Variants in GAP43 observed in about 807,000 individuals in gnomAD.
GAP43 encodes neuromodulin.
GAP43 carries 6 observed loss-of-function variants against 18.6 expected under a neutral mutation model. The ratio of observed to expected loss-of-function variants is 0.32; its 90% CI spans 0.18 to 0.64. GAP43 has a LOEUF of 0.64. Ranked by LOEUF, GAP43 falls within the 30% of genes least tolerant of loss-of-function variation. The pLI is 0.78. For synonymous variants in GAP43, 115 were observed against 111.4 expected, an observed-to-expected ratio of 1.03 and a Z score of -0.20; for missense variants, 292 against 295.5, an observed-to-expected ratio of 0.99 and a Z score of 0.09.
chr3:115,686,736 A>C (rs1197281367), intron 2 of GAP43, among the ~76,000 whole-genome samples: 1 of 152,188 alleles, frequency 6.6e-6, no homozygotes, highest in African/African-American at 2.4e-5. Flanking sequence ...AAAGAAGGAA[A>C]ATTTAAAAAT....
At chr3:115,658,629 C>A (rs542416826) in intron 1 of GAP43, 2 of 152,124 alleles carry the variant, frequency 1.3e-5, no homozygotes, top group African/African-American at 4.8e-5. Context: ...GCACGGAGAG[C>A]CCCCCAGAGG....
intron 1 of GAP43, among the ~76,000 whole-genome samples, chr3:115,641,510 TCACACACACACA>T (rs376412583): frequency 1.9e-5 from 2 of 106,958 alleles, no homozygotes; most frequent in African/African-American, 3.6e-5. Flanking sequence ...ATATATATAT[TCACACACACACA>T]CACACACACA....
chr3:115,688,183 A>AT (rs1399065986), intron 2 of GAP43, among the ~76,000 whole-genome samples: 2 of 151,818 alleles, frequency 1.3e-5, no homozygotes, highest in Non-Finnish European at 2.9e-5. Flanking sequence ...TGCCCAGCTA[A>AT]TTTTTTGGAT....
At chr3:115,678,362 T>A (rs1227274092) in intron 2 of GAP43, among the ~76,000 whole-genome samples, 2 of 152,180 alleles carry the variant, frequency 1.3e-5, no homozygotes, top group Non-Finnish European at 2.9e-5. Context: ...AGAGAAATGA[T>A]GTGATTTTAG....
At chr3:115,696,150 C>T (rs988805775) in intron 2 of GAP43, among the ~76,000 whole-genome samples, 1 of 152,114 alleles carries the variant, frequency 6.6e-6, no homozygotes, top group Non-Finnish European at 1.5e-5. Flanking sequence ...CAGACAATTG[C>T]TTACTCTACA....
chr3:115,684,844 C>T (rs1457589633), intron 2 of GAP43, among the ~76,000 whole-genome samples: 2 of 152,056 alleles, frequency 1.3e-5, no homozygotes, highest in South Asian at 2.1e-4. Context: ...GAGGTTGCCT[C>T]ATCTGAATCT....
intron 2 of GAP43, among the ~76,000 whole-genome samples, chr3:115,715,470 C>T (rs1188607901): frequency 6.6e-6 from 1 of 152,158 alleles, no homozygotes; most frequent in Non-Finnish European, 1.5e-5. Flanking sequence ...ATAGCCCCTT[C>T]CTAAGTAATA....
At position 115,664,378 on chromosome 3, in the gene GAP43, A is replaced by G. The variant is rs541551290; in HGVS notation, c.31-11635A>G. Among the ~76,000 whole-genome samples the G allele has an allele frequency of 2.4e-3, 358 of 152,238 alleles. 1 individual carries two copies. The highest frequency in any genetic ancestry group is 7.7e-3 in the African/African-American group (321 of 41,566). The stretch of plus-strand genomic sequence containing the variant: ...TTACCATATAATTCACTCAATCCCC[A>G]GTCTCCAGAAAGTAACAATTTGTAC... On this transcript the variant is annotated intron_variant, in intron 1 of 2. Transcript: ENST00000305124.
chr3:115,635,093 C>T (rs1339503774), intron 1 of GAP43, among the ~76,000 whole-genome samples: 1 of 152,096 alleles, frequency 6.6e-6, no homozygotes, highest in Non-Finnish European at 1.5e-5. Flanking sequence ...GGAGTTTGAT[C>T]TATTCAAACG....
intron 2 of GAP43, among the ~76,000 whole-genome samples, chr3:115,682,307 A>G (rs1223701075): frequency 6.6e-6 from 1 of 152,232 alleles, no homozygotes; most frequent in African/African-American, 2.4e-5. Context: ...TACATCAGTT[A>G]TGCCAGGAGG....
chr3:115,702,649 G>C (rs1352578737), intron 2 of GAP43, among the ~76,000 whole-genome samples: 1 of 152,056 alleles, frequency 6.6e-6, no homozygotes, highest in Non-Finnish European at 1.5e-5. Flanking sequence ...GGAAGGAGTA[G>C]ACAAGTTATA....
chr3:115,682,453 C>G (rs1708969772), intron 2 of GAP43, among the ~76,000 whole-genome samples: 1 of 152,174 alleles, frequency 6.6e-6, no homozygotes, highest in Non-Finnish European at 1.5e-5. Flanking sequence ...GTCTACCCCC[C>G]TTTGGCAAGT....
intron 2 of GAP43, among the ~76,000 whole-genome samples, chr3:115,695,812 A>G (rs1709181062): frequency 6.6e-6 from 1 of 152,190 alleles, no homozygotes; most frequent in South Asian, 2.1e-4. Flanking sequence ...CCCAATGGCC[A>G]ATTCTAAGGC....
intron 1 of GAP43, among the ~76,000 whole-genome samples, chr3:115,628,377 A>G (rs896377324): frequency 5.3e-5 from 8 of 151,920 alleles, no homozygotes; most frequent in Non-Finnish European, 1.0e-4. Flanking sequence ...TCCTGACTCT[A>G]TGTCCCCATC....
rs960450112 is a variant in GAP43, at chr3:115,676,547, G to A, written c.565G>A (p.Ala189Thr). The A allele has an allele frequency of 1.7e-5, 28 of 1,613,016 alleles. No individual in the cohort carries two copies. The highest frequency in any genetic ancestry group is 2.4e-5 in the Non-Finnish European group (28 of 1,179,960). Residue 189 changes from alanine (A) to threonine (T), a missense_variant, in exon 2 of 3, where the codon GCC (alanine) becomes ACC (threonine). Transcript: ENST00000305124. ...CACCCCTGCCGCAGAGGATGCTGCT[G>A]CCAAGGCAACAGCCCAGCCTCCAAC... ...ATTPAAEDAA[A>T]KATAQPPTET...
chr3:115,672,757 T>C (rs1304117620), intron 1 of GAP43, among the ~76,000 whole-genome samples: 2 of 149,772 alleles, frequency 1.3e-5, no homozygotes, highest in African/African-American at 2.5e-5. Context: ...TCCTCTCCTC[T>C]CCTCTCCTCT....
intron 1 of GAP43, among the ~76,000 whole-genome samples, chr3:115,631,426 T>C (rs1438208625): frequency 1.3e-5 from 2 of 152,174 alleles, no homozygotes; most frequent in Admixed American, 6.5e-5. Flanking sequence ...GGTGTGAGTC[T>C]CAAATAAAGA....
chr3:115,701,045 C>G (rs959208255), intron 2 of GAP43, among the ~76,000 whole-genome samples: 5 of 152,056 alleles, frequency 3.3e-5, no homozygotes, highest in Admixed American at 6.6e-5. Flanking sequence ...AAGCTATGTT[C>G]CCTGTTTCAG....
intron 2 of GAP43, among the ~76,000 whole-genome samples, chr3:115,692,969 A>C (rs1055283919): frequency 2.0e-5 from 3 of 152,216 alleles, no homozygotes; most frequent in Non-Finnish European, 4.4e-5. Context: ...CAATCACAAT[A>C]GTTGTTCCTA....
Sources: allele counts gnomAD v4.1 joint callset (sites outside exome capture counted in the v4.1 genomes callset), GRCh38; gene constraint gnomAD v4.1.1; transcripts MANE v1.5; gene names NCBI Gene and HGNC (gene_info 2026-07-23, HGNC 2026-07-21).